Variants in INKA2 observed in about 807,000 individuals in gnomAD.
The protein encoded by INKA2 is inka box actin regulator 2.
In INKA2, 3 loss-of-function variants were observed where a neutral mutation model predicts 9.8. The observed-to-expected ratio is 0.31, with a 90% CI of 0.14 to 0.79. INKA2 has a LOEUF of 0.79. INKA2 is among the 30% of genes least tolerant of loss of function. The pLI, the probability that INKA2 is intolerant of heterozygous loss-of-function variation, is 0.62. For synonymous variants in INKA2, 147 were observed against 143.3 expected (o/e 1.03, Z -0.18); for missense variants, 392 against 384.4 (o/e 1.02, Z -0.17).
At chr1:111,748,546 T>C (rs761655769) in intron 1 of INKA2, among the ~76,000 whole-genome samples, 9 of 152,162 alleles carry the variant, frequency 5.9e-5, no homozygotes, top group Non-Finnish European at 8.8e-5. Flanking sequence ...CTCAGACAGG[T>C]ACTTAAGCAT....
intron 1 of INKA2, among the ~76,000 whole-genome samples, chr1:111,731,624 T>C (rs1662906610): frequency 6.6e-6 from 1 of 152,218 alleles, no homozygotes; most frequent in Non-Finnish European, 1.5e-5. Flanking sequence ...AGTGCTCGGC[T>C]AACAGGCGTA....
chr1:111,736,368 T>C (rs1663007877), intron 1 of INKA2, among the ~76,000 whole-genome samples: 1 of 152,190 alleles, frequency 6.6e-6, no homozygotes, highest in African/African-American at 2.4e-5. Flanking sequence ...AATTTTCTGC[T>C]TCAGGGAATT....
intron 1 of INKA2, among the ~76,000 whole-genome samples, chr1:111,734,374 A>G (rs969652681): frequency 7.3e-4 from 111 of 152,004 alleles, no homozygotes; most frequent in African/African-American, 2.5e-3. Flanking sequence ...TCGAACATCC[A>G]AGGGACCTCA....
Position 111,727,121 on chromosome 1 carries a change from C to T in INKA2, c.741G>A (p.Lys247=). The change falls in exon 2 of 2, where the codon AAG becomes AAA. Residue 247 remains lysine (K), a synonymous_variant. Transcript: ENST00000357260. ...VPESRTGRSQ[K]VKKRSLSKGS... Reference sequence around the variant, plus strand: ...CCTTGGAAAGGCTCCGCTTCTTGACCTTCTGTGAGCGGCCGGTTCGGGACT... The same window carrying T: ...CCTTGGAAAGGCTCCGCTTCTTGACTTTCTGTGAGCGGCCGGTTCGGGACT... The T allele has an allele frequency of 6.2e-7, 1 of 1,614,248 alleles. No individual in the cohort carries two copies. Among genetic ancestry groups the T allele is most frequent in the Non-Finnish European group, 8.5e-7 (1 of 1,180,044 alleles).
intron 1 of INKA2, among the ~76,000 whole-genome samples, chr1:111,749,449 C>T (rs1107391): frequency 0.11 from 14,432 of 128,650 alleles, 804 homozygotes; most frequent in African/African-American, 0.18. Context: ...TGTGTGTGCG[C>T]GCGCGCGCGT....
chr1:111,724,597 A>ACACACACAC lies in INKA2; in HGVS notation c.*2370_*2371insGTGTGTGTG, dbSNP rs1553230945. 4 of 145,530 alleles carry ACACACACAC rather than the reference A, an allele frequency of 2.7e-5. No individual in the cohort carries two copies. Among genetic ancestry groups the ACACACACAC allele is most frequent in the African/African-American group, 1.1e-4 (4 of 37,910 alleles). 9.0% of individuals were successfully genotyped at this position (145,530 alleles called of 1,614,324 possible). A position where few individuals can be genotyped will look rare whatever the true frequency, so the allele number is the denominator to read the frequency against. On this transcript the variant is annotated 3_prime_UTR_variant, in exon 2 of 2. Transcript: ENST00000357260. ...CACACACACACACACACACACACAC[A>ACACACACAC]CACCACCACTACCACCACCACCACC... is the stretch of plus-strand genomic sequence containing the variant.
chr1:111,751,098 C>T lies in INKA2; in HGVS notation n.124+4603G>A, dbSNP rs1663399426. On this transcript the variant is annotated intron_variant and non_coding_transcript_variant, in intron 1 of 1. Transcript: ENST00000444059. ...GATAAGCTCAGGGTATCAGCCCCCA[C>T]TGCTTCACAGGACTTGAGCTTTGTC... 2.0e-5 allele frequency among the ~76,000 whole-genome samples: 3 copies of T among 152,372 alleles called. No individual in the cohort carries two copies. In the South Asian group the frequency reaches 6.2e-4, roughly 32 times the overall value.
intron 1 of INKA2, chr1:111,755,583 A>C: frequency 8.5e-7 from 1 of 1,180,028 alleles, no homozygotes; most frequent in East Asian, 2.7e-5. Flanking sequence ...GAACGGCGAG[A>C]GGGCGGTGGC....
At chr1:111,753,670 C>A (rs1359059096) in intron 1 of INKA2, 2 of 152,158 alleles carry the variant, frequency 1.3e-5, no homozygotes, top group African/African-American at 4.8e-5. Context: ...CATGGAGACC[C>A]AGAAGAGATT....
At chr1:111,731,240 T>C in intron 1 of INKA2, among the ~76,000 whole-genome samples, 1 of 152,228 alleles carries the variant, frequency 6.6e-6, no homozygotes, top group East Asian at 1.9e-4. Flanking sequence ...ATATTCTGCA[T>C]TGGTTAATAA....
At chr1:111,731,247 A>G (rs71673432) in intron 1 of INKA2, among the ~76,000 whole-genome samples, 5,123 of 152,358 alleles carry the variant, frequency 0.034, 124 homozygotes, top group East Asian at 0.081. Flanking sequence ...GCATTGGTTA[A>G]TAATTTGGTT....
rs1184801374 is a variant in INKA2, at chr1:111,722,791, AGAG to A, written c.*4174_*4176del. The A allele has an allele frequency of 4.9e-6, 2 of 405,662 alleles. 1 individual carries two copies. The highest frequency in any genetic ancestry group is 9.7e-5 in the East Asian group (2 of 20,532). The allele number at this position is 405,662 out of a possible 1,614,324, so 25.1% of individuals were successfully genotyped here. On this transcript the variant is annotated 3_prime_UTR_variant, in exon 2 of 2. Coordinates refer to ENST00000357260, the MANE Select transcript of INKA2 (RefSeq NM_019099.5). Reference sequence around the variant, plus strand: ...TCAATATAAATGTTTCGACAGAAGAAGAGACCAACGCTCAGAGAAAGCACTTTT... The same window carrying A: ...TCAATATAAATGTTTCGACAGAAGAAACCAACGCTCAGAGAAAGCACTTTT...
intron 1 of INKA2, chr1:111,746,790 TGAG>T (rs1444563277): frequency 3.3e-5 from 5 of 152,144 alleles, no homozygotes; most frequent in African/African-American, 9.7e-5. Context: ...GAGGAAGAGA[TGAG>T]GAGACAGTAG....
chr1:111,749,925 C>T (rs2076589), intron 1 of INKA2, among the ~76,000 whole-genome samples: 21,189 of 135,948 alleles, frequency 0.16, 1,532 homozygotes, highest in Admixed American at 0.21. Context: ...TTCCACATTC[C>T]GTCTTCAGAG....
chr1:111,723,163 G>C lies in INKA2; in HGVS notation c.*3805C>G, dbSNP rs1662685884. 1.5e-6 allele frequency: 1 copy of C among 683,982 alleles called. No individual in the cohort carries two copies. The highest frequency in any genetic ancestry group is 2.7e-6 in the Non-Finnish European group (1 of 376,154). 42.4% of individuals were successfully genotyped at this position (683,982 alleles called of 1,614,324 possible). A position where few individuals can be genotyped will look rare whatever the true frequency, so the allele number is the denominator to read the frequency against. On this transcript the variant is annotated 3_prime_UTR_variant, in exon 2 of 2. Transcript: ENST00000357260. ...TTCTGGCTGCTCTGGAGAAGGTGGGGACAAGGTGTGCTCTTGCTCTTGTCC... is the reference window on the plus strand; with the variant it reads ...TTCTGGCTGCTCTGGAGAAGGTGGGCACAAGGTGTGCTCTTGCTCTTGTCC...
At chr1:111,741,797 C>G (rs751736929), upstream of INKA2, among the ~76,000 whole-genome samples, 1 of 152,182 alleles carries the variant, frequency 6.6e-6, no homozygotes, top group Non-Finnish European at 1.5e-5. Flanking sequence ...CTCACTGCAA[C>G]CTCTACCTCC....
chr1:111,732,185 A>G (rs1348907436), intron 1 of INKA2, among the ~76,000 whole-genome samples: 1 of 152,168 alleles, frequency 6.6e-6, no homozygotes, highest in African/African-American at 2.4e-5. Context: ...GGATGCCATC[A>G]CCCAAGGAAG....
intron 1 of INKA2, among the ~76,000 whole-genome samples, chr1:111,748,567 T>C (rs1202614970): frequency 1.3e-5 from 2 of 152,150 alleles, no homozygotes; most frequent in Non-Finnish European, 2.9e-5. Context: ...CTCACATCCA[T>C]AAATCTCACC....
In INKA2 at chr1:111,726,832, C is replaced by T. The variant is rs1218130041; in HGVS notation, c.*136G>A. 9.8e-6 allele frequency: 9 copies of T among 915,900 alleles called. No homozygotes were observed. Among genetic ancestry groups the T allele is most frequent in the Non-Finnish European group, 1.5e-5 (9 of 593,424 alleles). The allele number at this position is 915,900 out of a possible 1,614,324, so 56.7% of individuals were successfully genotyped here. On this transcript the variant is annotated 3_prime_UTR_variant, in exon 2 of 2. Coordinates refer to ENST00000357260, the MANE Select transcript of INKA2 (RefSeq NM_019099.5). ...TTCAGTCCTGAGCCAAGAACTCTGG[C>T]TTCTCCCCGCTTTCTGGGGGAAAGG...
Sources: allele counts gnomAD v4.1 joint callset (sites outside exome capture counted in the v4.1 genomes callset), GRCh38; gene constraint gnomAD v4.1.1; transcripts MANE v1.5; gene names NCBI Gene and HGNC (gene_info 2026-07-23, HGNC 2026-07-21).